The following NEK4 variants were observed in gnomAD, a reference collection of about 807,000 sequenced individuals.
The protein encoded by NEK4 is NIMA related kinase 4, also known as serine/threonine-protein kinase Nek4.
A neutral mutation model predicts 98.4 loss-of-function variants in NEK4; 86 were observed. The ratio of observed to expected loss-of-function variants is 0.87; its 90% CI spans 0.73 to 1.05. The LOEUF (loss-of-function observed/expected upper bound fraction) is 1.05, where lower values mean the gene tolerates loss of function less well. NEK4 is among the 50% of genes least tolerant of loss of function. NEK4 has a pLI of 0.00. For missense variants in NEK4, 898 were observed against 950.3 expected (o/e 0.94, Z 0.72); for synonymous variants, 328 against 342.2 (o/e 0.96, Z 0.46).
At chr3:52,768,893 C>T (rs1186955865) in intron 1 of NEK4, among the ~76,000 whole-genome samples, 1 of 152,072 alleles carries the variant, frequency 6.6e-6, no homozygotes, top group East Asian at 1.9e-4. Context: ...GATAACATAC[C>T]ATTGGATCAA....
intron 15 of NEK4, 29 bp downstream of exon 15, chr3:52,737,557 C>CAT (rs773696554): frequency 3.1e-6 from 5 of 1,610,338 alleles, no homozygotes; most frequent in Non-Finnish European, 4.2e-6. Context: ...ATAACATAAG[C>CAT]ATCTTGATAC....
intron 1 of NEK4, among the ~76,000 whole-genome samples, chr3:52,769,237 TA>T (rs1326157990): frequency 1.3e-5 from 2 of 151,572 alleles, no homozygotes; most frequent in Non-Finnish European, 2.9e-5. Context: ...AAATAAAAAA[TA>T]AAAAAAGAAA....
At chr3:52,745,304 G>C (rs1396486472) in intron 10 of NEK4, among the ~76,000 whole-genome samples, 1 of 151,858 alleles carries the variant, frequency 6.6e-6, no homozygotes, top group South Asian at 2.1e-4. Context: ...GCTGAGGCCG[G>C]GTGCGGTGGT....
chr3:52,719,004 G>A (rs983435469), intron 15 of NEK4, among the ~76,000 whole-genome samples: 7 of 152,144 alleles, frequency 4.6e-5, no homozygotes, highest in Non-Finnish European at 8.8e-5. Context: ...TGATCTGCCC[G>A]CCTTGGCTTC....
intron 6 of NEK4, among the ~76,000 whole-genome samples, chr3:52,759,938 A>G (rs1698297026): frequency 6.6e-6 from 1 of 151,466 alleles, no homozygotes; most frequent in African/African-American, 2.4e-5. Flanking sequence ...GAACCTTGAA[A>G]ATATGCTATG....
intron 15 of NEK4, among the ~76,000 whole-genome samples, chr3:52,731,906 G>T (rs1157705256): frequency 6.6e-6 from 1 of 152,188 alleles, no homozygotes; most frequent in East Asian, 1.9e-4. Context: ...TTCCCATGCG[G>T]TTCTCATGAT....
At chr3:52,750,784 TAA>T (rs71087014) in intron 7 of NEK4, among the ~76,000 whole-genome samples, 51,172 of 151,098 alleles carry the variant, frequency 0.34, 9,608 homozygotes, top group Admixed American at 0.46. Context: ...GAAATAGAAA[TAA>T]AAAAATTAGC....
chr3:52,744,683 C>CAAAAAAAA (rs567707729), intron 10 of NEK4, among the ~76,000 whole-genome samples: 1 of 81,162 alleles, frequency 1.2e-5, no homozygotes, highest in Non-Finnish European at 2.3e-5. Context: ...GACTCCATCT[C>CAAAAAAAA]AAAAAAAAAA....
Position 52,770,738 on chromosome 3 carries a change from C to A in NEK4, c.9G>T (p.Leu3=). MP[L]AAYCYLRVVG... ...CGACCCGCAGGTAGCAGTAGGCGGC[C>A]AGGGGCATGTTCCCAGCGCTGGCCC... is the stretch of plus-strand genomic sequence containing the variant. Residue 3 remains leucine (L), a synonymous_variant, in exon 1 of 16, where the codon CTG becomes CTT. Transcript: ENST00000233027. The A allele has an allele frequency of 6.4e-7, 1 of 1,568,354 alleles. No individual in the cohort carries two copies. Among genetic ancestry groups the A allele is most frequent in the Non-Finnish European group, 8.6e-7 (1 of 1,157,780 alleles).
chr3:52,723,015 G>A (rs942907025), intron 15 of NEK4, among the ~76,000 whole-genome samples: 2 of 152,074 alleles, frequency 1.3e-5, no homozygotes, highest in African/African-American at 4.8e-5. Flanking sequence ...ACCAGCCTGG[G>A]CAACATAATG....
At chr3:52,737,912 C>G (rs1345306194) in intron 14 of NEK4, among the ~76,000 whole-genome samples, 193 bp from the exon 15 acceptor site, 1 of 152,138 alleles carries the variant, frequency 6.6e-6, no homozygotes, top group Non-Finnish European at 1.5e-5. Context: ...CCCCTAGGTT[C>G]ATGCCATTCT....
chr3:52,720,233 A>G (rs527771817), intron 15 of NEK4, among the ~76,000 whole-genome samples: 1 of 152,252 alleles, frequency 6.6e-6, no homozygotes. Context: ...ACAGACACAC[A>G]CCACCATGCC....
chr3:52,743,287 G>T, intron 12 of NEK4, 65 bp downstream of exon 12: 2 of 1,245,646 alleles, frequency 1.6e-6, no homozygotes, highest in African/African-American at 1.5e-5. Context: ...CATTTAAAAG[G>T]TTTACTGCAT....
chr3:52,739,606 A>C lies in NEK4; in HGVS notation c.2122T>G (p.Leu708Val). ...GKGQTNEINA[L>V]VQLMTQTLKL... The stretch of plus-strand genomic sequence containing the variant: ...AGGGTCTGAGTCATCAATTGTACCA[A>C]GGCATTAATTTCATTTGTCTGACCT... Residue 708 changes from leucine (L) to valine (V), a missense_variant, in exon 14 of 16, where the codon TTG becomes GTG. Coordinates refer to ENST00000233027, the MANE Select transcript of NEK4 (RefSeq NM_003157.6). 1 of 1,614,080 alleles carries C rather than the reference A, an allele frequency of 6.2e-7. No homozygotes were observed. The highest frequency in any genetic ancestry group is 8.5e-7 in the Non-Finnish European group (1 of 1,179,954).
chr3:52,732,750 G>A, intron 15 of NEK4: 1 of 274,246 alleles, frequency 3.6e-6, no homozygotes, highest in South Asian at 5.5e-5. Flanking sequence ...TTATCTCCAT[G>A]TTGGAGACAA....
At chr3:52,745,708 C>T (rs546277870) in intron 10 of NEK4, among the ~76,000 whole-genome samples, 2 of 152,186 alleles carry the variant, frequency 1.3e-5, no homozygotes, top group South Asian at 4.1e-4. Flanking sequence ...AAACAAAAAG[C>T]TTTATAAGAA....
rs201883786 is a variant in NEK4, at chr3:52,763,582, G to A, written c.709C>T (p.Leu237=). 3 of 1,612,668 alleles carry A rather than the reference G, an allele frequency of 1.9e-6. No individual in the cohort carries two copies. Among genetic ancestry groups the A allele is most frequent in the Non-Finnish European group, 2.5e-6 (3 of 1,179,152 alleles). ...PRDYSPELAE[L]IRTMLSKRPE... ...CTTTTGCTCAGCATTGTTCTTATCA[G>A]TTCTGCCAGCTCTGGGCTGTAATCT... Residue 237 remains leucine, a synonymous_variant, in exon 5 of 16, where the codon CTG becomes TTG. Coordinates refer to ENST00000233027, the MANE Select transcript of NEK4 (RefSeq NM_003157.6).
chr3:52,718,727 C>G (rs1401993730), intron 15 of NEK4, among the ~76,000 whole-genome samples: 1 of 152,160 alleles, frequency 6.6e-6, no homozygotes, highest in Non-Finnish European at 1.5e-5. Flanking sequence ...CTGCTCGCTT[C>G]CCCGCAACCC....
intron 4 of NEK4, among the ~76,000 whole-genome samples, chr3:52,763,923 G>A (rs567253542): frequency 8.0e-4 from 122 of 152,352 alleles, no homozygotes; most frequent in African/African-American, 2.7e-3. Context: ...TGTTCTTGCA[G>A]TAGTAAACAA....
Sources: gnomAD v4.1 joint callset for allele counts (sites outside exome capture counted in the v4.1 genomes callset) on GRCh38, gnomAD v4.1.1 for gene constraint, MANE v1.5 for transcripts, NCBI Gene and HGNC (gene_info 2026-07-23, HGNC 2026-07-21) for gene names.